The following ADAMTS19 variants were observed in gnomAD, a reference collection of about 807,000 sequenced individuals.
The protein encoded by ADAMTS19 is A disintegrin and metalloproteinase with thrombospondin motifs 19.
ADAMTS19 carries 93 observed loss-of-function variants against 153.3 expected under a neutral mutation model. The observed-to-expected ratio is 0.61, with a 90% CI of 0.51 to 0.72. ADAMTS19 has a LOEUF of 0.72. Among genes scored for constraint, ADAMTS19 ranks in the 30% least tolerant of loss-of-function variants. ADAMTS19 has a pLI of 0.00. For missense variants in ADAMTS19, 1,482 were observed against 1,552.1 expected (o/e 0.95, Z 0.76); for synonymous variants, 600 against 556.6 (o/e 1.08, Z -1.10).
chr5:129,648,879 G>T lies in ADAMTS19; in HGVS notation c.2085G>T (p.Leu695Phe). 2 of 1,613,826 alleles carry T rather than the reference G, an allele frequency of 1.2e-6. No homozygotes were observed. The highest frequency in any genetic ancestry group is 1.7e-6 in the Non-Finnish European group (2 of 1,179,854). ...ICENPPCPAG[L>F]PGFRDWQCQA... ...AGAATCCACCTTGTCCTGCAGGTTTGCCTGGATTCAGAGACTGGCAATGTC... is the reference window on the plus strand; with the variant it reads ...AGAATCCACCTTGTCCTGCAGGTTTTCCTGGATTCAGAGACTGGCAATGTC... The change falls in exon 13 of 23, where the codon TTG becomes TTT. Residue 695 changes from leucine to phenylalanine, a missense_variant. This residue lies in a region of ADAMTS19 where 616 missense variants were observed against 724.4 expected (regional missense o/e 0.85). Transcript: ENST00000274487.
rs529444004 is a variant in ADAMTS19, at chr5:129,645,885, A to ATTTTTTTTT, written c.1873-1867_1873-1859dup. ...CACATGGTTTCTTTCTCCTTTTCCAATTTTTTTTTTTTTTTTTTTTTGAGA... is the reference window on the plus strand; with the variant it reads ...CACATGGTTTCTTTCTCCTTTTCCAATTTTTTTTTTTTTTTTTTTTTTTTTTTTTTGAGA... On this transcript the variant is annotated intron_variant, in intron 11 of 22. Coordinates refer to ENST00000274487, the MANE Select transcript of ADAMTS19 (RefSeq NM_133638.6). Among the ~76,000 whole-genome samples, 262 of 97,078 alleles carry ATTTTTTTTT rather than the reference A, an allele frequency of 2.7e-3. 16 individuals carry two copies. The highest frequency in any genetic ancestry group is 1.0e-2 in the African/African-American group (224 of 22,490). 63.7% of individuals were successfully genotyped at this position (97,078 alleles called of 152,430 possible).
Position 129,693,111 on chromosome 5 carries a change from T to G in ADAMTS19, c.2819-1609T>G, listed in dbSNP as rs1434681647. Among the ~76,000 whole-genome samples, 6 of 152,202 alleles carry G rather than the reference T, an allele frequency of 3.9e-5. No individual in the cohort carries two copies. In the East Asian group the frequency reaches 1.2e-3, roughly 29 times the overall value. ...CACATGTATACAAATGCAGTTATGTTTTTATACTACAAATTGCGGTAGGAC... is the reference window on the plus strand; with the variant it reads ...CACATGTATACAAATGCAGTTATGTGTTTATACTACAAATTGCGGTAGGAC... On this transcript the variant is annotated intron_variant, in intron 18 of 22. Coordinates refer to ENST00000274487, the MANE Select transcript of ADAMTS19 (RefSeq NM_133638.6).
At position 129,726,285 on chromosome 5, in the gene ADAMTS19, A is replaced by G. The variant is rs13359281; in HGVS notation, c.3313-8647A>G. On this transcript the variant is annotated intron_variant, in intron 21 of 22. Transcript: ENST00000274487. ...TTGGGGAACAGAATATCTATCAGAC[A>G]ATACAAGACTCTCTTTTTAAAATAC... Among the ~76,000 whole-genome samples, 1,521 of 152,256 alleles carry G rather than the reference A, an allele frequency of 1.0e-2. 6 individuals are homozygous for G. The highest frequency in any genetic ancestry group is 0.017 in the Middle Eastern group (5 of 294).
intron 7 of ADAMTS19, among the ~76,000 whole-genome samples, chr5:129,568,139 G>T (rs191161547): frequency 1.2e-3 from 182 of 152,274 alleles, no homozygotes; most frequent in Non-Finnish European, 2.1e-3. Context: ...ATTGCCAAAG[G>T]AAGTAGTTCT....
chr5:129,654,534 A>C, intron 14 of ADAMTS19, 101 bp downstream of exon 14: 1 of 1,336,208 alleles, frequency 7.5e-7, no homozygotes, highest in Non-Finnish European at 1.0e-6. Context: ...ACTTAGATTC[A>C]AAAGATGTTG....
At chr5:129,647,606 C>T (rs1034816222) in intron 11 of ADAMTS19, among the ~76,000 whole-genome samples, 159 bp from the exon 12 acceptor site, 4 of 152,100 alleles carry the variant, frequency 2.6e-5, no homozygotes, top group Admixed American at 6.5e-5. Flanking sequence ...ATTACTATGA[C>T]AAAAAACAAG....
chr5:129,473,648 A>G (rs1750135731), intron 2 of ADAMTS19, among the ~76,000 whole-genome samples: 2 of 152,146 alleles, frequency 1.3e-5, no homozygotes, highest in African/African-American at 2.4e-5. Flanking sequence ...GTTTGCTAAC[A>G]TGGATAATTT....
intron 6 of ADAMTS19, among the ~76,000 whole-genome samples, chr5:129,532,813 C>T (rs1215755656): frequency 6.6e-6 from 1 of 152,032 alleles, no homozygotes; most frequent in African/African-American, 2.4e-5. Context: ...TATCATTATA[C>T]TGAGGCCAGG....
rs533085215 is a variant in ADAMTS19, at chr5:129,665,644, T to C, written c.2506+65T>C. On this transcript the variant is annotated intron_variant, in intron 16 of 22. Transcript: ENST00000274487. The stretch of plus-strand genomic sequence containing the variant: ...GCCCAACTCCCTGCCCTGAGAGTTC[T>C]ATGATGAGGAGGAAGTCAATCTGTT... 11 of 1,230,120 alleles carry C rather than the reference T, an allele frequency of 8.9e-6. No individual in the cohort carries two copies. In the African/African-American group the frequency reaches 1.7e-4, roughly 19 times the overall value. 76.2% of individuals were successfully genotyped at this position (1,230,120 alleles called of 1,614,324 possible).
chr5:129,515,445 T>G (rs921158817), intron 3 of ADAMTS19, among the ~76,000 whole-genome samples: 2 of 152,084 alleles, frequency 1.3e-5, no homozygotes, highest in Non-Finnish European at 2.9e-5. Context: ...ATCTTTCTAC[T>G]TTTTGGTATC....
At chr5:129,655,854 A>ACATGGCAT (rs1190598547) in intron 14 of ADAMTS19, among the ~76,000 whole-genome samples, 12 of 152,200 alleles carry the variant, frequency 7.9e-5, no homozygotes, top group African/African-American at 2.7e-4. Context: ...TTGGCATAAG[A>ACATGGCAT]AGCAGTCTTT....
chr5:129,487,342 C>T (rs187979401), intron 2 of ADAMTS19, among the ~76,000 whole-genome samples: 2 of 152,108 alleles, frequency 1.3e-5, no homozygotes, highest in Non-Finnish European at 2.9e-5. Context: ...TGCATTTCGA[C>T]AATAAATTTA....
chr5:129,578,722 G>A (rs1749334921), intron 7 of ADAMTS19, among the ~76,000 whole-genome samples: 1 of 152,004 alleles, frequency 6.6e-6, no homozygotes, highest in South Asian at 2.1e-4. Context: ...TTAGTTTACT[G>A]AGAATGATGG....
At chr5:129,707,075 A>G (rs1000072071) in intron 21 of ADAMTS19, among the ~76,000 whole-genome samples, 1 of 152,232 alleles carries the variant, frequency 6.6e-6, no homozygotes, top group Admixed American at 6.5e-5. Context: ...CTACACGGAT[A>G]TACATACATA....
chr5:129,536,457 G>C (rs1752431099), intron 6 of ADAMTS19, among the ~76,000 whole-genome samples: 1 of 152,206 alleles, frequency 6.6e-6, no homozygotes, highest in South Asian at 2.1e-4. Flanking sequence ...CTTTTACACT[G>C]TTGGTGGGAC....
intron 8 of ADAMTS19, among the ~76,000 whole-genome samples, chr5:129,610,510 A>G (rs1029137980): frequency 2.6e-5 from 4 of 152,078 alleles, no homozygotes; most frequent in African/African-American, 9.6e-5. Flanking sequence ...TCATTGTTCA[A>G]TTCCCACCTA....
chr5:129,493,398 T>TAAGATCTTAGTGTTTGCCTCTTTGCAAA (rs146233579), intron 2 of ADAMTS19, among the ~76,000 whole-genome samples: 25,825 of 152,102 alleles, frequency 0.17, 3,041 homozygotes, highest in African/African-American at 0.33. Flanking sequence ...ATTTGGCTAC[T>TAAGATCTTAGTGTTTGCCTCTTTGCAAA]ACAGGTGTGC....
intron 6 of ADAMTS19, among the ~76,000 whole-genome samples, chr5:129,537,624 T>C (rs1752494667): frequency 6.6e-6 from 1 of 152,054 alleles, no homozygotes; most frequent in South Asian, 2.1e-4. Context: ...ATGTCCTTTG[T>C]AGGGACATGG....
chr5:129,729,258 T>C (rs1757335425), intron 21 of ADAMTS19, among the ~76,000 whole-genome samples: 4 of 152,164 alleles, frequency 2.6e-5, no homozygotes, highest in South Asian at 4.1e-4. Flanking sequence ...AATGTCTGTG[T>C]GTTTTTAATC....
Sources: gnomAD v4.1 joint callset for allele counts (sites outside exome capture counted in the v4.1 genomes callset) on GRCh38, gnomAD v4.1.1 for gene constraint, gnomAD v4.1.1 regional missense constraint, MANE v1.5 for transcripts, NCBI Gene and HGNC (gene_info 2026-07-23, HGNC 2026-07-21) for gene names.